CSMD1: variants seen among roughly 807,000 people sequenced by gnomAD.
CSMD1 encodes the protein CUB and Sushi multiple domains 1.
CSMD1 carries 213 observed loss-of-function variants against 417.5 expected under a neutral mutation model. That is an observed-to-expected ratio of 0.51 (90% confidence interval 0.46 to 0.57). The LOEUF is 0.57. Among genes scored for constraint, CSMD1 ranks in the 20% least tolerant of loss-of-function variants. The pLI is 0.00. For missense variants in CSMD1, 6,923 were observed against 4,529.7 expected, an observed-to-expected ratio of 1.53 and a Z score of -15.17; for synonymous variants, 2,862 against 1,736.8, an observed-to-expected ratio of 1.65 and a Z score of -16.11.
intron 3 of CSMD1, among the ~76,000 whole-genome samples, chr8:4,221,088 T>C (rs889751454): frequency 6.6e-6 from 1 of 152,128 alleles, no homozygotes; most frequent in African/African-American, 2.4e-5. Flanking sequence ...AATCACTTCA[T>C]TTAAACAAGA....
chr8:3,454,540 T>A (rs556170568), intron 12 of CSMD1, among the ~76,000 whole-genome samples: 2 of 152,224 alleles, frequency 1.3e-5, no homozygotes, highest in African/African-American at 4.8e-5. Flanking sequence ...TTTGCTTGTC[T>A]GTAAAGGATT....
At chr8:3,352,309 C>G (rs542167024) in intron 21 of CSMD1, among the ~76,000 whole-genome samples, 2 of 152,064 alleles carry the variant, frequency 1.3e-5, no homozygotes, top group East Asian at 3.9e-4. Context: ...CAGGGAATGC[C>G]CTAAAACAGT....
At chr8:3,162,383 C>T (rs1435744896) in intron 37 of CSMD1, 106 bp from the exon 38 acceptor site, 1 of 724,014 alleles carries the variant, frequency 1.4e-6, no homozygotes, top group South Asian at 1.6e-5. Flanking sequence ...TAGAAATGAA[C>T]AAAGACTTCA....
At chr8:4,446,858 T>C (rs937599168) in intron 2 of CSMD1, among the ~76,000 whole-genome samples, 4 of 151,268 alleles carry the variant, frequency 2.6e-5, no homozygotes, top group African/African-American at 2.4e-5. Flanking sequence ...CCTGACCTTG[T>C]GATCCACCCG....
intron 15 of CSMD1, among the ~76,000 whole-genome samples, chr8:3,401,990 G>A (rs1812066716): frequency 6.6e-6 from 1 of 151,340 alleles, no homozygotes; most frequent in Non-Finnish European, 1.5e-5. Flanking sequence ...TTACAGTGAT[G>A]AATTCCCTGA....
intron 5 of CSMD1, among the ~76,000 whole-genome samples, chr8:3,858,651 G>A (rs1804477739): frequency 6.7e-6 from 1 of 149,658 alleles, no homozygotes; most frequent in Admixed American, 6.6e-5. Context: ...TGTATTTAAT[G>A]CTGTTATAAT....
intron 3 of CSMD1, among the ~76,000 whole-genome samples, chr8:4,221,047 T>C (rs571634481): frequency 3.9e-5 from 6 of 152,108 alleles, no homozygotes; most frequent in Non-Finnish European, 8.8e-5. Context: ...GCTTTTCCCA[T>C]GAGCGAAAAA....
At chr8:4,851,991 C>G (rs2028228) in intron 1 of CSMD1, among the ~76,000 whole-genome samples, 3 of 152,050 alleles carry the variant, frequency 2.0e-5, no homozygotes, top group Non-Finnish European at 4.4e-5. Flanking sequence ...GATTTAATCT[C>G]TCTCTGGACG....
chr8:4,920,797 T>A (rs1361807846), intron 1 of CSMD1, among the ~76,000 whole-genome samples: 2 of 148,496 alleles, frequency 1.3e-5, no homozygotes, highest in African/African-American at 5.0e-5. Flanking sequence ...CGGTCCAGCC[T>A]GGGCAACAAG....
At chr8:4,120,470 C>T (rs1016592586) in intron 3 of CSMD1, among the ~76,000 whole-genome samples, 4 of 152,168 alleles carry the variant, frequency 2.6e-5, no homozygotes, top group Non-Finnish European at 4.4e-5. Context: ...AGTCACTTCT[C>T]ACACAAATGC....
intron 1 of CSMD1, among the ~76,000 whole-genome samples, chr8:4,747,129 G>C (rs1277785158): frequency 6.6e-6 from 1 of 152,158 alleles, no homozygotes; most frequent in African/African-American, 2.4e-5. Context: ...CTGCTCCTAA[G>C]AGGTTGAAGA....
intron 2 of CSMD1, among the ~76,000 whole-genome samples, chr8:4,484,972 C>G (rs1390722307): frequency 1.3e-5 from 1 of 76,694 alleles, no homozygotes. Flanking sequence ...CAGAGTGAGA[C>G]TCTGCCTCAA....
chr8:3,668,165 G>C (rs960484926), intron 7 of CSMD1, among the ~76,000 whole-genome samples: 1 of 152,122 alleles, frequency 6.6e-6, no homozygotes, highest in Non-Finnish European at 1.5e-5. Flanking sequence ...GGTGTGCAGA[G>C]GGGCTGACCT....
At chr8:4,618,221 T>C (rs1391835353) in intron 2 of CSMD1, among the ~76,000 whole-genome samples, 1 of 152,128 alleles carries the variant, frequency 6.6e-6, no homozygotes, top group Non-Finnish European at 1.5e-5. Context: ...GAAAGACTCA[T>C]CCTACCCAAC....
intron 1 of CSMD1, among the ~76,000 whole-genome samples, chr8:4,952,821 G>A (rs555760424): frequency 2.0e-4 from 31 of 152,198 alleles, no homozygotes; most frequent in Non-Finnish European, 3.2e-4. Flanking sequence ...AGTAATCAGC[G>A]TTTTTAATAA....
chr8:3,312,091 C>G (rs1353420253), intron 23 of CSMD1, among the ~76,000 whole-genome samples: 1 of 152,126 alleles, frequency 6.6e-6, no homozygotes, highest in Non-Finnish European at 1.5e-5. Flanking sequence ...TTTCTTTCCA[C>G]TCTTCTCCAA....
At chr8:4,947,765 A>T (rs1808466801) in intron 1 of CSMD1, among the ~76,000 whole-genome samples, 1 of 152,054 alleles carries the variant, frequency 6.6e-6, no homozygotes, top group Admixed American at 6.6e-5. Context: ...CTAGTGTCCT[A>T]CTTGAATTTG....
chr8:3,298,269 G>A (rs944405042), intron 25 of CSMD1, among the ~76,000 whole-genome samples: 8 of 152,120 alleles, frequency 5.3e-5, no homozygotes, highest in Non-Finnish European at 7.3e-5. Context: ...ACATTCACCA[G>A]GTAACATGTC....
intron 3 of CSMD1, among the ~76,000 whole-genome samples, chr8:4,307,266 G>T (rs1186626265): frequency 6.6e-6 from 1 of 152,066 alleles, no homozygotes; most frequent in Non-Finnish European, 1.5e-5. Flanking sequence ...TGCACAGAGG[G>T]CTGTTGATAT....
Sources: gnomAD v4.1 joint callset for allele counts (sites outside exome capture counted in the v4.1 genomes callset) on GRCh38, gnomAD v4.1.1 for gene constraint, MANE v1.5 for transcripts, NCBI Gene and HGNC (gene_info 2026-07-23, HGNC 2026-07-21) for gene names.